The following RORC variants were observed in gnomAD, a reference collection of about 807,000 sequenced individuals.
RORC encodes the protein RAR related orphan receptor C, also known as nuclear receptor ROR-gamma.
RORC carries 13 observed loss-of-function variants against 64.5 expected under a neutral mutation model. The observed-to-expected ratio is 0.20, with a 90% CI of 0.13 to 0.32. The LOEUF (loss-of-function observed/expected upper bound fraction) is 0.32. Among genes scored for constraint, RORC ranks in the 10% least tolerant of loss-of-function variants. The pLI, the probability that RORC is intolerant of heterozygous loss-of-function variation, is 1.00. For missense variants in RORC, 468 were observed against 669.5 expected, an observed-to-expected ratio of 0.70 and a Z score of 3.32; for synonymous variants, 277 against 259.3, an observed-to-expected ratio of 1.07 and a Z score of -0.65.
intron 6 of RORC, 98 bp downstream of exon 6, chr1:151,814,476 C>T (rs1353198911): frequency 1.7e-5 from 23 of 1,342,912 alleles, no homozygotes; most frequent in East Asian, 4.9e-5. Flanking sequence ...TGTGATGTCC[C>T]GCCCTGCCCC....
At chr1:151,814,114 C>G (rs1379109736) in intron 6 of RORC, 2 of 179,222 alleles carry the variant, frequency 1.1e-5, no homozygotes, top group Non-Finnish European at 2.4e-5. Context: ...CCTATTAACC[C>G]CTCTAGGCTC....
intron 9 of RORC, chr1:151,812,687 A>G: frequency 2.8e-6 from 1 of 362,738 alleles, no homozygotes; most frequent in Non-Finnish European, 5.1e-6. Flanking sequence ...CATTTCTGTC[A>G]GGAAAGTGGC....
intron 2 of RORC, among the ~76,000 whole-genome samples, chr1:151,817,502 T>A (rs1206784535): frequency 6.6e-6 from 1 of 152,084 alleles, no homozygotes; most frequent in Non-Finnish European, 1.5e-5. Flanking sequence ...GAGGGGAGTG[T>A]GGAGGGGTGG....
rs567553021 is a variant in RORC at position 151,821,355 on chromosome 1, G to T, written c.71-4075C>A. Reference sequence around the variant, plus strand: ...TGGGTTCACACAGAGAAACCCCGGGGTCCTCATCTCCTCCTGGTGCCTCGT... The same window carrying T: ...TGGGTTCACACAGAGAAACCCCGGGTTCCTCATCTCCTCCTGGTGCCTCGT... On this transcript the variant is annotated intron_variant, in intron 2 of 10. Transcript: ENST00000318247. Among the ~76,000 whole-genome samples, 7 of 152,290 alleles carry T rather than the reference G, an allele frequency of 4.6e-5. No homozygotes were observed. The South Asian group carries it at 1.5e-3, about 32-fold the overall frequency.
In RORC at chr1:151,806,901, G is replaced by C. The variant is rs1651333756; in HGVS notation, c.*571C>G. ...CATTTTTGGTTAGACCCCAGGTAAA[G>C]GGTAGGGTGCCCAAATACTTCCTTG... On this transcript the variant is annotated 3_prime_UTR_variant, in exon 11 of 11. Coordinates refer to ENST00000318247, the MANE Select transcript of RORC (RefSeq NM_005060.4). The C allele has an allele frequency of 6.6e-6, 1 of 152,448 alleles. No individual in the cohort carries two copies. 9.4% of individuals were successfully genotyped at this position (152,448 alleles called of 1,614,324 possible).
chr1:151,822,124 C>T (rs145371934), intron 2 of RORC, among the ~76,000 whole-genome samples: 186 of 152,196 alleles, frequency 1.2e-3, no homozygotes, highest in Non-Finnish European at 2.0e-3. Flanking sequence ...TGAGCTCCTC[C>T]TCTCCCCACA....
In RORC at chr1:151,807,210, C is replaced by G. The variant is rs1398035965; in HGVS notation, c.*262G>C. The G allele has an allele frequency of 2.6e-6, 1 of 380,418 alleles. No individual in the cohort carries two copies. The highest frequency in any genetic ancestry group is 2.0e-5 in the African/African-American group (1 of 49,210). The allele number at this position is 380,418 out of a possible 1,614,324, so 23.6% of individuals were successfully genotyped here. ...CCAGCCACCCCATGCCTTCCAGAAG[C>G]TGGGTGTGAAGGAATATGGGAAATG... On this transcript the variant is annotated 3_prime_UTR_variant, in exon 11 of 11. Coordinates refer to ENST00000318247, the MANE Select transcript of RORC (RefSeq NM_005060.4). The surrounding 1 kb of genome is among the most constrained non-coding windows in gnomAD (Gnocchi z 5.0).
chr1:151,831,488 C>T (rs1652417698), intron 1 of RORC, among the ~76,000 whole-genome samples: 1 of 152,126 alleles, frequency 6.6e-6, no homozygotes, highest in Non-Finnish European at 1.5e-5. Context: ...TTCCTTCTCC[C>T]GCTTCTCCCT....
At position 151,814,931 on chromosome 1, in the gene RORC, C is replaced by A. The variant is rs200604231; in HGVS notation, c.793G>T (p.Ala265Ser). ...SFRSTPEAPY[A>S]SLTEIEHLVQ... Reference sequence around the variant, plus strand: ...TGCTCACCTATCTCTGTCAGGGAGGCATAGGGTGCCTCCGGTGTGCTGCGG... The same window carrying A: ...TGCTCACCTATCTCTGTCAGGGAGGAATAGGGTGCCTCCGGTGTGCTGCGG... The change falls in exon 5 of 11, where the codon GCC becomes TCC. Residue 265 changes from alanine (A) to serine (S), a missense_variant. This residue lies in a region of RORC where 241 missense variants were observed against 295.5 expected (regional missense o/e 0.82). Transcript: ENST00000318247. The A allele has an allele frequency of 2.5e-6, 4 of 1,613,680 alleles. No individual in the cohort carries two copies. The highest frequency in any genetic ancestry group is 3.4e-6 in the Non-Finnish European group (4 of 1,179,710).
intron 7 of RORC, 57 bp from the exon 8 acceptor site, chr1:151,813,403 T>C: frequency 6.2e-7 from 1 of 1,607,518 alleles, no homozygotes; most frequent in Non-Finnish European, 8.5e-7. Flanking sequence ...AGGATCTGAC[T>C]CTGTCCCCCT....
At chr1:151,827,905 G>T (rs576182456) in intron 2 of RORC, among the ~76,000 whole-genome samples, 156 of 152,218 alleles carry the variant, frequency 1.0e-3, no homozygotes, top group Non-Finnish European at 2.0e-3. Context: ...CCCAGTTCCT[G>T]CTGCTCCGAA....
At chr1:151,821,305 AC>A (rs149085995) in intron 2 of RORC, among the ~76,000 whole-genome samples, 8 of 151,070 alleles carry the variant, frequency 5.3e-5, no homozygotes, top group Non-Finnish European at 7.4e-5. Context: ...CAGAACCACC[AC>A]CCCCCCACCA....
rs143758129 is a variant in RORC at position 151,826,921 on chromosome 1, C to T, written c.70+2508G>A. Among the ~76,000 whole-genome samples, 605 of 152,266 alleles carry T rather than the reference C, an allele frequency of 4.0e-3. 6 individuals are homozygous for T. The highest frequency in any genetic ancestry group is 0.014 in the African/African-American group (584 of 41,544). On this transcript the variant is annotated intron_variant, in intron 2 of 10. Transcript: ENST00000318247. ...TCACCTGAGGTTAGGAGTTCGAGAC[C>T]GGCCTGGCCAACATGGTGAAACCCC...
chr1:151,825,801 C>G (rs2101674669), intron 2 of RORC: 1 of 1,112,776 alleles, frequency 9.0e-7, no homozygotes, highest in Non-Finnish European at 1.3e-6. Flanking sequence ...CCCAACAGAT[C>G]TTGACCTTGA....
At chr1:151,808,967 T>C (rs901847148) in intron 10 of RORC, among the ~76,000 whole-genome samples, 5 of 152,066 alleles carry the variant, frequency 3.3e-5, no homozygotes, top group Non-Finnish European at 7.4e-5. Flanking sequence ...GAAGCAAGTG[T>C]GGCTGCAATG....
intron 9 of RORC, chr1:151,811,971 C>T (rs1050219607): frequency 1.3e-5 from 2 of 152,284 alleles, no homozygotes; most frequent in African/African-American, 4.8e-5. Context: ...GACTGATAGT[C>T]TCGATCTGCA....
chr1:151,821,379 G>A (rs549971324), intron 2 of RORC, among the ~76,000 whole-genome samples: 7 of 152,284 alleles, frequency 4.6e-5, no homozygotes, highest in South Asian at 4.2e-4. Flanking sequence ...CTGGTGCCTC[G>A]TCAATCTAGA....
chr1:151,825,963 G>T lies in RORC; in HGVS notation c.70+3466C>A, dbSNP rs371336140. ...ACTGAGCCTTGGCTCTGCCGGCCTT[G>T]GCTCCCTGTCCTTCTCAGCAGGGGG... On this transcript the variant is annotated intron_variant, in intron 2 of 10. Transcript: ENST00000318247. The T allele has an allele frequency of 5.0e-6, 8 of 1,612,788 alleles. No individual in the cohort carries two copies. The African/African-American group carries it at 1.1e-4, about 22-fold the overall frequency.
chr1:151,831,539 G>A (rs773086613), intron 1 of RORC, 186 bp downstream of exon 1: 1 of 547,188 alleles, frequency 1.8e-6, no homozygotes, highest in Admixed American at 6.4e-5. Context: ...CTTCTCCTCT[G>A]TCATCTCCCC....
Sources: gnomAD v4.1 joint callset for allele counts (sites outside exome capture counted in the v4.1 genomes callset) on GRCh38, gnomAD v4.1.1 for gene constraint, gnomAD v4.1.1 regional missense constraint, Gnocchi (gnomAD v3.1) non-coding constraint, MANE v1.5 for transcripts, NCBI Gene and HGNC (gene_info 2026-07-23, HGNC 2026-07-21) for gene names.